Variants in LMO1 observed in about 807,000 individuals in gnomAD.
LMO1 encodes the protein LIM domain only 1, also known as rhombotin-1.
In LMO1, 10 loss-of-function variants were observed where a neutral mutation model predicts 18.0. The ratio of observed to expected loss-of-function variants is 0.55; its 90% CI spans 0.34 to 0.94. LMO1 has a LOEUF of 0.94. Among genes scored for constraint, LMO1 ranks in the 40% least tolerant of loss-of-function variants. The pLI is 0.02. For missense variants in LMO1, 183 were observed against 205.7 expected (o/e 0.89, Z 0.68); for synonymous variants, 77 against 77.9 (o/e 0.99, Z 0.06).
Position 8,263,632 on chromosome 11 carries a change from A to AG in LMO1, c.-271dup, listed in dbSNP as rs1847228643. ...AGAGAGAGAGGGAGAGGGAGAGAGA[A>AG]GGGGGAAAAGAGGATCAGAGCCGTT... is the stretch of plus-strand genomic sequence containing the variant. On this transcript the variant is annotated 5_prime_UTR_variant, in exon 1 of 4. Transcript: ENST00000335790. 7.4e-7 allele frequency: 1 copy of AG among 1,345,326 alleles called. No homozygotes were observed. The highest frequency in any genetic ancestry group is 3.6e-5 in the Admixed American group (1 of 27,646). 83.3% of individuals were successfully genotyped at this position (1,345,326 alleles called of 1,614,324 possible).
intron 1 of LMO1, 21 bp downstream of exon 1, chr11:8,263,317 A>C: frequency 9.4e-6 from 15 of 1,596,274 alleles, no homozygotes; most frequent in Non-Finnish European, 1.3e-5. Context: ...AGGGGCGTCG[A>C]GACCCCGGCC....
At chr11:8,236,352 G>A (rs1952760072) in intron 1 of LMO1, among the ~76,000 whole-genome samples, 1 of 151,612 alleles carries the variant, frequency 6.6e-6, no homozygotes, top group African/African-American at 2.4e-5. Flanking sequence ...CACCAAGCCA[G>A]GCTAATTTTT....
rs760736132 is a variant in LMO1, at chr11:8,230,444, C to A, written c.86G>T (p.Arg29Leu). Reference sequence around the variant, plus strand: ...CAGCAGATAGCGGTCCTTGATCTTGCGGTTACAGCCCGCACAGCCCTTCTG... The same window carrying A: ...CAGCAGATAGCGGTCCTTGATCTTGAGGTTACAGCCCGCACAGCCCTTCTG... ...GKQKGCAGCN[R>L]KIKDRYLLKA... is the part of the protein sequence containing the mutation. Residue 29 changes from arginine to leucine, a missense_variant, in exon 2 of 4, where the codon CGC becomes CTC. Coordinates refer to ENST00000335790, the MANE Select transcript of LMO1 (RefSeq NM_002315.3). 1.2e-6 allele frequency: 2 copies of A among 1,613,854 alleles called. No individual in the cohort carries two copies. Among genetic ancestry groups the A allele is most frequent in the Non-Finnish European group, 1.7e-6 (2 of 1,179,934 alleles).
At chr11:8,256,152 G>A (rs1322249162) in intron 1 of LMO1, among the ~76,000 whole-genome samples, 2 of 152,206 alleles carry the variant, frequency 1.3e-5, no homozygotes, top group Non-Finnish European at 2.9e-5. Context: ...TACGGGTTCA[G>A]TATAATGATA....
intron 1 of LMO1, 38 bp downstream of exon 1, chr11:8,263,300 G>C: frequency 6.3e-7 from 1 of 1,582,968 alleles, no homozygotes; most frequent in Non-Finnish European, 8.5e-7. Context: ...CAGGGGGCGA[G>C]GGGGTGAGGG....
chr11:8,247,104 A>G (rs1028091247), intron 1 of LMO1, among the ~76,000 whole-genome samples: 2 of 152,174 alleles, frequency 1.3e-5, no homozygotes, highest in Admixed American at 1.3e-4. Flanking sequence ...CTTTGTTGAA[A>G]TTTCTGCATC....
chr11:8,239,228 A>T (rs946056000), intron 1 of LMO1, among the ~76,000 whole-genome samples: 4 of 152,128 alleles, frequency 2.6e-5, no homozygotes, highest in African/African-American at 9.7e-5. Flanking sequence ...TGGATGCCAG[A>T]TGGTGCTGGG....
intron 1 of LMO1, among the ~76,000 whole-genome samples, chr11:8,262,849 C>T (rs1413768774): frequency 6.6e-6 from 1 of 152,212 alleles, no homozygotes; most frequent in African/African-American, 2.4e-5. Flanking sequence ...TCCTCCCGCG[C>T]TCCCGCTTGC....
upstream of LMO1, among the ~76,000 whole-genome samples, chr11:8,266,064 T>G (rs138851685): frequency 6.2e-4 from 95 of 152,276 alleles, no homozygotes; most frequent in African/African-American, 2.2e-3. Context: ...ACCCAGGGAC[T>G]GGAGCAGGCC....
chr11:8,256,254 C>T (rs940807343), intron 1 of LMO1, among the ~76,000 whole-genome samples: 10 of 152,214 alleles, frequency 6.6e-5, no homozygotes, highest in African/African-American at 2.4e-4. Context: ...TTCATACAAG[C>T]ATGAAACTTT....
chr11:8,228,542 G>T (rs562752285), intron 2 of LMO1, among the ~76,000 whole-genome samples: 5 of 152,100 alleles, frequency 3.3e-5, no homozygotes, highest in Admixed American at 3.3e-4. Flanking sequence ...TGCAGAGGGC[G>T]CAGGCTCTGG....
At position 8,227,104 on chromosome 11, in the gene LMO1, C is replaced by A; in HGVS notation, c.240-4G>T. 1 of 1,612,174 alleles carries A rather than the reference C, an allele frequency of 6.2e-7. No individual in the cohort carries two copies. The highest frequency in any genetic ancestry group is 8.5e-7 in the Non-Finnish European group (1 of 1,178,914). On this transcript the variant is annotated splice_polypyrimidine_tract_variant and splice_region_variant and intron_variant, in intron 2 of 3. Transcript: ENST00000335790. ...GTTCCCTGTGGTGCCAAAGAGCCTG[C>A]CGAGGGAAGGGCGCAGAGGACTCAG...
chr11:8,255,001 T>C (rs1482393389), intron 1 of LMO1, among the ~76,000 whole-genome samples: 1 of 152,188 alleles, frequency 6.6e-6, no homozygotes, highest in Non-Finnish European at 1.5e-5. Context: ...TGGAAGATGC[T>C]TGGTGGACTG....
chr11:8,227,060 G>A lies in LMO1; in HGVS notation c.280C>T (p.Leu94=). 1 of 1,613,956 alleles carries A rather than the reference G, an allele frequency of 6.2e-7. No homozygotes were observed. Residue 94 remains leucine, a synonymous_variant, in exon 3 of 4, where the codon CTG becomes TTG. Coordinates refer to ENST00000335790, the MANE Select transcript of LMO1 (RefSeq NM_002315.3). ...TTGNCAACSK[L]IPAFEMVMRA... is the part of the protein sequence containing the mutation. ...ATCACCATCTCGAAGGCTGGGATCA[G>A]CTTGCTGCAAGCAGCACAGTTCCCT...
At chr11:8,263,223 C>A in intron 1 of LMO1, 115 bp downstream of exon 1, 1 of 988,114 alleles carries the variant, frequency 1.0e-6, no homozygotes, top group Non-Finnish European at 1.3e-6. Context: ...CCGCCCGCCC[C>A]GCAATCCCCG....
intron 1 of LMO1, among the ~76,000 whole-genome samples, chr11:8,258,859 G>A (rs781416622): frequency 3.9e-5 from 6 of 152,240 alleles, no homozygotes; most frequent in Admixed American, 6.5e-5. Context: ...GGTCATGCCA[G>A]CACTGAGCCC....
chr11:8,240,327 C>G (rs61879682), intron 1 of LMO1, among the ~76,000 whole-genome samples: 1 of 152,190 alleles, frequency 6.6e-6, no homozygotes, highest in Non-Finnish European at 1.5e-5. Context: ...CTTAGGAATA[C>G]TGCATCTAAA....
chr11:8,230,256 A>G (rs67820061), intron 2 of LMO1, 35 bp downstream of exon 2: 86,924 of 1,598,538 alleles, frequency 0.054, 3,735 homozygotes, highest in African/African-American at 0.22. Context: ...TCTGAGCAGG[A>G]CAAGGGCTTG....
At chr11:8,250,302 T>C (rs4758054) in intron 1 of LMO1, among the ~76,000 whole-genome samples, 2,238 of 152,340 alleles carry the variant, frequency 0.015, 27 homozygotes, top group Middle Eastern at 0.024. Flanking sequence ...CTTTACCAGG[T>C]GCAGTCTTAG....
Sources: gnomAD v4.1 joint callset for allele counts (sites outside exome capture counted in the v4.1 genomes callset) on GRCh38, gnomAD v4.1.1 for gene constraint, MANE v1.5 for transcripts, NCBI Gene and HGNC (gene_info 2026-07-23, HGNC 2026-07-21) for gene names.